The following TASP1 variants were observed in gnomAD, a reference collection of about 807,000 sequenced individuals.
The protein encoded by TASP1 is threonine aspartase 1.
TASP1 carries 16 observed loss-of-function variants against 56.6 expected under a neutral mutation model. The observed-to-expected ratio is 0.28, with a 90% CI of 0.19 to 0.43. The LOEUF (loss-of-function observed/expected upper bound fraction) is 0.43, where lower values mean the gene tolerates loss of function less well. Ranked by LOEUF, TASP1 falls within the 20% of genes least tolerant of loss-of-function variation. TASP1 has a pLI of 1.00. For synonymous variants in TASP1, 179 were observed against 184.2 expected (o/e 0.97, Z 0.23); for missense variants, 393 against 511.6 (o/e 0.77, Z 2.24).
the TASP1 span, among the ~76,000 whole-genome samples, chr20:13,301,346 G>A: frequency 1.5e-4 from 23 of 152,188 alleles, 1 homozygote; most frequent in African/African-American, 5.3e-4. Flanking sequence ...GTGCCACCAC[G>A]CCTGGCTAAC....
chr20:13,246,648 A>G, the TASP1 span, among the ~76,000 whole-genome samples: 1 of 152,250 alleles, frequency 6.6e-6, no homozygotes, highest in Non-Finnish European at 1.5e-5. Flanking sequence ...CGGAAAGTTT[A>G]CCTACTTGCC....
chr20:13,488,994 G>A (rs546456973), intron 10 of TASP1, among the ~76,000 whole-genome samples: 47 of 152,066 alleles, frequency 3.1e-4, no homozygotes, highest in Non-Finnish European at 6.5e-4. Context: ...AGCCCACCCT[G>A]GAGTAACAGT....
chr20:13,393,590 C>G (rs547579538), intron 13 of TASP1: 247 of 975,346 alleles, frequency 2.5e-4, no homozygotes, highest in Non-Finnish European at 3.9e-4. Context: ...ACCACCTTGT[C>G]AAGCTCATTT....
chr20:13,124,791 A>G, the TASP1 span, among the ~76,000 whole-genome samples: 5 of 152,312 alleles, frequency 3.3e-5, no homozygotes, highest in Admixed American at 3.3e-4. Flanking sequence ...AGAGAGATGG[A>G]AAAGTGATGG....
intron 12 of TASP1, among the ~76,000 whole-genome samples, chr20:13,421,974 CAG>C (rs1441991150): frequency 1.6e-5 from 2 of 123,722 alleles, no homozygotes; most frequent in East Asian, 2.2e-4. Context: ...TTTTTTTTGA[CAG>C]AGTCTCGCTC....
chr20:13,544,165 T>TA (rs1346004555), intron 8 of TASP1, among the ~76,000 whole-genome samples: 6 of 152,192 alleles, frequency 3.9e-5, no homozygotes, highest in African/African-American at 1.4e-4. Flanking sequence ...ACTTTATCTG[T>TA]AAAAAAATTG....
chr20:13,462,929 A>G (rs1465189506), intron 11 of TASP1, among the ~76,000 whole-genome samples: 10 of 152,142 alleles, frequency 6.6e-5, no homozygotes, highest in Admixed American at 6.6e-4. Flanking sequence ...TAATATTGTT[A>G]AGATGTCAAT....
At chr20:13,576,334 A>AAAGGAAGG (rs1376276315) in intron 6 of TASP1, among the ~76,000 whole-genome samples, 1 of 134,058 alleles carries the variant, frequency 7.5e-6, no homozygotes, top group African/African-American at 2.8e-5. Flanking sequence ...AAAGAGAAAG[A>AAAGGAAGG]AAGAAAGGAA....
At position 13,632,788 on chromosome 20, in the gene TASP1, A is replaced by G. The variant is rs75372235; in HGVS notation, c.-74-2636T>C. Among the ~76,000 whole-genome samples, 1,292 of 152,274 alleles carry G rather than the reference A, an allele frequency of 8.5e-3. 23 individuals are homozygous for G. The highest frequency in any genetic ancestry group is 0.029 in the African/African-American group (1,218 of 41,540). Reference sequence around the variant, plus strand: ...AACATCAGTTTTTGTTTAACTCAGAACTCATTAAAGGTCTGACATCTAATA... The same window carrying G: ...AACATCAGTTTTTGTTTAACTCAGAGCTCATTAAAGGTCTGACATCTAATA... On this transcript the variant is annotated intron_variant, in intron 1 of 13. Transcript: ENST00000337743.
the TASP1 span, chr20:13,244,014 C>A: frequency 7.9e-5 from 12 of 152,200 alleles, no homozygotes; most frequent in Admixed American, 7.9e-4. Context: ...ATTACCACAT[C>A]TCCAGTGTAG....
At chr20:13,419,425 A>G (rs971932686) in intron 12 of TASP1, among the ~76,000 whole-genome samples, 1 of 152,232 alleles carries the variant, frequency 6.6e-6, no homozygotes, top group Non-Finnish European at 1.5e-5. Flanking sequence ...GTATAAAATT[A>G]TATCTAAATA....
At chr20:13,195,034 A>G in the TASP1 span, among the ~76,000 whole-genome samples, 8 of 152,156 alleles carry the variant, frequency 5.3e-5, no homozygotes, top group African/African-American at 1.9e-4. Context: ...ATTTGTGAGG[A>G]CAGGACCCCA....
chr20:13,140,890 T>G, the TASP1 span, among the ~76,000 whole-genome samples: 1 of 152,224 alleles, frequency 6.6e-6, no homozygotes, highest in Non-Finnish European at 1.5e-5. Context: ...CTCTGATTAT[T>G]TGTGAAATTT....
chr20:13,607,019 G>A (rs771120771), intron 4 of TASP1, among the ~76,000 whole-genome samples: 6 of 152,142 alleles, frequency 3.9e-5, no homozygotes, highest in Non-Finnish European at 8.8e-5. Context: ...TGCTCCTATA[G>A]AGAAATGTCA....
intron 10 of TASP1, among the ~76,000 whole-genome samples, chr20:13,518,653 T>C (rs2044624192): frequency 6.6e-6 from 1 of 152,142 alleles, no homozygotes; most frequent in Non-Finnish European, 1.5e-5. Context: ...TTGTCATTCA[T>C]ATTCATTCAC....
At chr20:13,438,624 G>C (rs1429553651) in intron 11 of TASP1, among the ~76,000 whole-genome samples, 1 of 152,190 alleles carries the variant, frequency 6.6e-6, no homozygotes, top group East Asian at 1.9e-4. Context: ...AACACCAAAA[G>C]CAATGGCAAC....
the TASP1 span, chr20:13,298,951 G>A: frequency 6.2e-7 from 1 of 1,613,334 alleles, no homozygotes; most frequent in Non-Finnish European, 8.5e-7. Flanking sequence ...GACACAGACA[G>A]CTGTGAGCGC....
At chr20:13,498,328 C>CTTTT (rs1268361624) in intron 10 of TASP1, among the ~76,000 whole-genome samples, 7 of 99,740 alleles carry the variant, frequency 7.0e-5, no homozygotes, top group Non-Finnish European at 1.5e-4. Context: ...TTTTTCTTTT[C>CTTTT]TTTTGTGTGT....
the TASP1 span, chr20:13,164,427 T>G: frequency 2.0e-6 from 1 of 489,136 alleles, no homozygotes; most frequent in Non-Finnish European, 4.2e-6. Flanking sequence ...TCCACAAGAC[T>G]ACATATAAGT....
Sources: allele counts gnomAD v4.1 joint callset (sites outside exome capture counted in the v4.1 genomes callset), GRCh38; gene constraint gnomAD v4.1.1; transcripts MANE v1.5; gene names NCBI Gene and HGNC (gene_info 2026-07-23, HGNC 2026-07-21).